The following SEZ6L variants were observed in gnomAD, a reference collection of about 807,000 sequenced individuals.
SEZ6L encodes the protein seizure related 6 homolog like.
In SEZ6L, 37 loss-of-function variants were observed where a neutral mutation model predicts 106.2. The ratio of observed to expected loss-of-function variants is 0.35; its 90% CI spans 0.27 to 0.46. The LOEUF (loss-of-function observed/expected upper bound fraction) is 0.46, where lower values mean the gene tolerates loss of function less well. SEZ6L is among the 20% of genes least tolerant of loss of function. The pLI, the probability that SEZ6L is intolerant of heterozygous loss-of-function variation, is 1.00. For synonymous variants in SEZ6L, 541 were observed against 570.4 expected (o/e 0.95, Z 0.73); for missense variants, 1,172 against 1,332.8 (o/e 0.88, Z 1.88).
At chr22:26,309,641 C>G (rs931537739) in intron 6 of SEZ6L, among the ~76,000 whole-genome samples, 5 of 152,136 alleles carry the variant, frequency 3.3e-5, no homozygotes, top group South Asian at 2.1e-4. Flanking sequence ...TGCAGTGGCT[C>G]GATCTCGGCT....
At chr22:26,276,981 A>G (rs1359964060) in intron 1 of SEZ6L, among the ~76,000 whole-genome samples, 1 of 152,254 alleles carries the variant, frequency 6.6e-6, no homozygotes, top group Admixed American at 6.5e-5. Context: ...GTAACTGGAC[A>G]TAAAAGAATG....
chr22:26,211,761 A>G (rs60990750), intron 1 of SEZ6L, among the ~76,000 whole-genome samples: 3,690 of 146,020 alleles, frequency 0.025, 141 homozygotes, highest in African/African-American at 0.079. Flanking sequence ...CTTGAGGCCA[A>G]GAGTTTCAGA....
In SEZ6L at chr22:26,323,224, GGCCTCAGGCAGATTATTGAAGGTGCTGGT is replaced by G. The variant is rs1377736688; in HGVS notation, c.2015+9327_2015+9355del. ...GCATCCTGATGTTCACCAGCTCTGT[GGCCTCAGGCAGATTATTGAAGGTGCTGGT>G]GCCTGCACCCACAATGGGATATTTT... On this transcript the variant is annotated intron_variant, in intron 9 of 16. Coordinates refer to ENST00000248933, the MANE Select transcript of SEZ6L (RefSeq NM_021115.5). Among the ~76,000 whole-genome samples, 5 of 152,324 alleles carry G rather than the reference GGCCTCAGGCAGATTATTGAAGGTGCTGGT, an allele frequency of 3.3e-5. No individual in the cohort carries two copies. The East Asian group carries it at 9.6e-4, about 29-fold the overall frequency.
intron 2 of SEZ6L, 24 bp downstream of exon 2, chr22:26,293,170 G>C: frequency 1.3e-6 from 2 of 1,483,192 alleles, no homozygotes; most frequent in Non-Finnish European, 1.8e-6. Context: ...AACTCCTGAA[G>C]CCATCCTGAA....
At chr22:26,232,337 CTCTG>C (rs2078823138) in intron 1 of SEZ6L, among the ~76,000 whole-genome samples, 1 of 140,404 alleles carries the variant, frequency 7.1e-6, no homozygotes, top group East Asian at 2.1e-4. Context: ...CTCTCTCTCT[CTCTG>C]TCTTTCACAC....
chr22:26,286,567 C>G (rs2080938507), intron 1 of SEZ6L, among the ~76,000 whole-genome samples: 1 of 152,104 alleles, frequency 6.6e-6, no homozygotes, highest in Non-Finnish European at 1.5e-5. Flanking sequence ...AATTTTATGT[C>G]TCATTCTTTT....
At chr22:26,193,941 G>A (rs1940414910) in intron 1 of SEZ6L, among the ~76,000 whole-genome samples, 1 of 152,156 alleles carries the variant, frequency 6.6e-6, no homozygotes, top group African/African-American at 2.4e-5. Flanking sequence ...GCTGGGGGGA[G>A]GTTCTGTGTA....
chr22:26,327,610 C>CA (rs1290572171), intron 9 of SEZ6L, among the ~76,000 whole-genome samples: 1 of 149,636 alleles, frequency 6.7e-6, no homozygotes, highest in Non-Finnish European at 1.5e-5. Context: ...ATGCCACACA[C>CA]ACCACATGAC....
intron 1 of SEZ6L, among the ~76,000 whole-genome samples, chr22:26,272,445 T>TCA: frequency 6.6e-6 from 1 of 152,124 alleles, no homozygotes; most frequent in African/African-American, 2.4e-5. Context: ...AAAACCGAAT[T>TCA]TTTACCCACG....
intron 9 of SEZ6L, among the ~76,000 whole-genome samples, chr22:26,330,364 A>T (rs2082441992): frequency 6.6e-6 from 1 of 152,218 alleles, no homozygotes; most frequent in Admixed American, 6.5e-5. Flanking sequence ...TAGTCCGAGG[A>T]TAAGATGAAA....
Position 26,171,672 on chromosome 22 carries a change from C to T in SEZ6L, c.94+1909C>T, listed in dbSNP as rs151242239. On this transcript the variant is annotated intron_variant, in intron 1 of 16. Coordinates refer to ENST00000248933, the MANE Select transcript of SEZ6L (RefSeq NM_021115.5). ...TACTATTTTTCCAACTGCTCAACAC[C>T]ATGGCTAGCCAGCATATTTTTTAAA... is the stretch of plus-strand genomic sequence containing the variant. 4.2e-4 allele frequency among the ~76,000 whole-genome samples: 64 copies of T among 152,270 alleles called. 1 individual carries two copies. In the East Asian group the frequency reaches 0.01, roughly 24 times the overall value.
intron 13 of SEZ6L, 48 bp from the exon 14 acceptor site, chr22:26,373,403 A>T: frequency 6.4e-7 from 1 of 1,562,270 alleles, no homozygotes; most frequent in Non-Finnish European, 8.7e-7. Context: ...CATGCAAACG[A>T]AGTGAATTCA....
intron 1 of SEZ6L, among the ~76,000 whole-genome samples, chr22:26,207,910 A>ATT (rs134772): frequency 1.4e-4 from 20 of 138,496 alleles, no homozygotes; most frequent in African/African-American, 3.5e-4. Context: ...ATTCATGTGT[A>ATT]TTTTTTTTTT....
At chr22:26,269,445 G>T (rs2080291880) in intron 1 of SEZ6L, among the ~76,000 whole-genome samples, 1 of 152,162 alleles carries the variant, frequency 6.6e-6, no homozygotes, top group South Asian at 2.1e-4. Context: ...GTGGGAGAAG[G>T]TATTGCTAAC....
rs572551388 is a variant in SEZ6L, at chr22:26,199,170, A to G, written c.94+29407A>G. The stretch of plus-strand genomic sequence containing the variant: ...CAAATCACTTACAAATTAGCAATGG[A>G]GAAAATTAGCCCATTACCAATCACC... On this transcript the variant is annotated intron_variant, in intron 1 of 16. Transcript: ENST00000248933. Among the ~76,000 whole-genome samples the G allele has an allele frequency of 7.5e-4, 115 of 152,354 alleles. 1 individual carries two copies. In the South Asian group the frequency reaches 0.023, roughly 31 times the overall value.
At chr22:26,185,613 C>G (rs1939717901) in intron 1 of SEZ6L, among the ~76,000 whole-genome samples, 1 of 152,122 alleles carries the variant, frequency 6.6e-6, no homozygotes, top group Non-Finnish European at 1.5e-5. Context: ...GTAAACTTCA[C>G]CTGGATGATT....
chr22:26,365,814 C>T (rs1489732858), intron 13 of SEZ6L, among the ~76,000 whole-genome samples: 2 of 151,938 alleles, frequency 1.3e-5, no homozygotes, highest in Non-Finnish European at 2.9e-5. Context: ...GTCAAGGTTG[C>T]AGTGAGCCTT....
intron 10 of SEZ6L, among the ~76,000 whole-genome samples, chr22:26,345,270 A>AC: frequency 6.6e-6 from 1 of 152,220 alleles, no homozygotes; most frequent in Non-Finnish European, 1.5e-5. Flanking sequence ...AGCCAAGGCC[A>AC]CCCAGTTAGT....
At chr22:26,348,513 AGAAGGAAGGAAGGAAGGAAG>A (rs200858250) in intron 11 of SEZ6L, among the ~76,000 whole-genome samples, 7 of 33,166 alleles carry the variant, frequency 2.1e-4, no homozygotes, top group Admixed American at 4.6e-4. Context: ...TGGGAGAGAG[AGAAGGAAGGAAGGAAGGAAG>A]GAAGGAAGGA....
Sources: gnomAD v4.1 joint callset for allele counts (sites outside exome capture counted in the v4.1 genomes callset) on GRCh38, gnomAD v4.1.1 for gene constraint, MANE v1.5 for transcripts, NCBI Gene and HGNC (gene_info 2026-07-23, HGNC 2026-07-21) for gene names.